Variants in ARFGAP1 observed in about 807,000 individuals in gnomAD.
The protein encoded by ARFGAP1 is ADP-ribosylation factor GTPase-activating protein 1.
Under a neutral mutation model 54.0 loss-of-function variants are expected in ARFGAP1, and 26 were observed. The observed-to-expected ratio is 0.48, with a 90% CI of 0.35 to 0.67. The LOEUF (loss-of-function observed/expected upper bound fraction) is 0.67, where lower values mean the gene tolerates loss of function less well. ARFGAP1 is among the 30% of genes least tolerant of loss of function. ARFGAP1 has a pLI of 0.00. For synonymous variants in ARFGAP1, 248 were observed against 211.9 expected, an observed-to-expected ratio of 1.17 and a Z score of -1.48; for missense variants, 525 against 535.8, an observed-to-expected ratio of 0.98 and a Z score of 0.20.
chr20:63,283,800 C>T (rs1302379603), intron 9 of ARFGAP1: 5 of 1,607,628 alleles, frequency 3.1e-6, no homozygotes, highest in Non-Finnish European at 4.3e-6. Flanking sequence ...GTTACTAATG[C>T]CGCCCCTCAC....
In ARFGAP1 at chr20:63,276,088, C is replaced by T. The variant is rs747049588; in HGVS notation, c.61-3C>T. 1.9e-6 allele frequency: 3 copies of T among 1,613,594 alleles called. No homozygotes were observed. The highest frequency in any genetic ancestry group is 2.5e-6 in the Non-Finnish European group (3 of 1,179,820). On this transcript the variant is annotated splice_polypyrimidine_tract_variant and splice_region_variant and intron_variant, in intron 2 of 12. Coordinates refer to ENST00000370283, the MANE Select transcript of ARFGAP1 (RefSeq NM_018209.4). This position sits in a 1 kb window ranked among gnomAD's most constrained non-coding sequence, Gnocchi z 5.2. ...TGGTGAGTCACTTGTGGCCCCTTTG[C>T]AGGTTTGTTTTGAGTGTGGCGCGTT...
chr20:63,282,664 T>C (rs748641223), intron 8 of ARFGAP1, among the ~76,000 whole-genome samples, 155 bp from the exon 9 acceptor site: 5 of 152,186 alleles, frequency 3.3e-5, no homozygotes, highest in Non-Finnish European at 7.3e-5. Flanking sequence ...CTGCAGCTCT[T>C]CTGGGCATCT....
intron 11 of ARFGAP1, chr20:63,286,110 C>G (rs755952096): frequency 6.5e-7 from 1 of 1,550,098 alleles, no homozygotes; most frequent in Non-Finnish European, 8.7e-7. Context: ...TCGCTCCTCC[C>G]CCCCAAGCAT....
intron 7 of ARFGAP1, among the ~76,000 whole-genome samples, chr20:63,280,470 T>C (rs1172368110): frequency 6.6e-6 from 1 of 152,212 alleles, no homozygotes; most frequent in African/African-American, 2.4e-5. Flanking sequence ...AAAGGGCTTT[T>C]TAATAACTAG....
intron 2 of ARFGAP1, 97 bp from the exon 3 acceptor site, chr20:63,275,994 C>T (rs1233335653): frequency 6.3e-6 from 7 of 1,108,660 alleles, no homozygotes; most frequent in Non-Finnish European, 9.6e-6. Context: ...CCCTGGGCAG[C>T]CCTCTGCATT....
intron 12 of ARFGAP1, among the ~76,000 whole-genome samples, chr20:63,286,654 G>A (rs1334487938): frequency 6.6e-6 from 1 of 152,026 alleles, no homozygotes; most frequent in Non-Finnish European, 1.5e-5. Flanking sequence ...AGGGGGCACT[G>A]TGGAGGCTTT....
At chr20:63,286,866 AG>A (rs1292435284) in intron 12 of ARFGAP1, 1 of 191,782 alleles carries the variant, frequency 5.2e-6, no homozygotes, top group East Asian at 1.5e-4. Context: ...GTCGGGGGCC[AG>A]GGGACAGGAA....
At position 63,288,124 on chromosome 20, in the gene ARFGAP1, G is replaced by A; in HGVS notation, c.*251G>A. ...GTCCCACACTCCCCTGGGCATTCTT[G>A]GACTCAAGGCCGGGGCTCTGCGTGG... On this transcript the variant is annotated 3_prime_UTR_variant, in exon 13 of 13. Transcript: ENST00000370283. 1.7e-6 allele frequency: 1 copy of A among 604,916 alleles called. No individual in the cohort carries two copies. 37.5% of individuals were successfully genotyped at this position (604,916 alleles called of 1,614,324 possible). A position where few individuals can be genotyped will look rare whatever the true frequency, so the allele number is the denominator to read the frequency against.
At chr20:63,285,047 C>T (rs1204359014) in intron 10 of ARFGAP1, 125 bp downstream of exon 10, 4 of 1,153,632 alleles carry the variant, frequency 3.5e-6, no homozygotes, top group East Asian at 5.2e-5. Context: ...CCTCACACCC[C>T]ACCTCTCCAG....
In ARFGAP1 at chr20:63,288,414, G is replaced by A. The variant is rs530431029; in HGVS notation, c.*541G>A. The A allele has an allele frequency of 3.1e-5, 14 of 456,186 alleles. No homozygotes were observed. The highest frequency in any genetic ancestry group is 1.8e-4 in the African/African-American group (9 of 50,200). 28.3% of individuals were successfully genotyped at this position (456,186 alleles called of 1,614,324 possible). ...GACCACCCTCGGCTCCCGAGTCCAC[G>A]CCTGCCTGGGCCTGTGCTGTCAGAC... On this transcript the variant is annotated 3_prime_UTR_variant, in exon 13 of 13. Coordinates refer to ENST00000370283, the MANE Select transcript of ARFGAP1 (RefSeq NM_018209.4).
chr20:63,285,220 C>G (rs1031242687), intron 10 of ARFGAP1, among the ~76,000 whole-genome samples: 1 of 152,016 alleles, frequency 6.6e-6, no homozygotes, highest in Admixed American at 6.5e-5. Context: ...GCACCCCCAG[C>G]CCACCTCCGT....
intron 12 of ARFGAP1, chr20:63,286,729 A>G (rs1398464506): frequency 1.6e-5 from 3 of 188,498 alleles, no homozygotes; most frequent in Admixed American, 1.3e-4. Context: ...GCTCTTTGGA[A>G]CCCTGCAGGA....
chr20:63,282,847 A>G lies in ARFGAP1; in HGVS notation c.713A>G (p.Gln238Arg). The part of the protein sequence containing the change: ...GATKFGSQAS[Q>R]KASELGHSLN... ...ACAAAGTTTGGATCCCAAGCGAGTC[A>G]GAAGGTAACAGAGGAGAAGCTTCTG... is the stretch of plus-strand genomic sequence containing the variant. Residue 238 changes from glutamine to arginine, a missense_variant, in exon 9 of 13, where the codon CAG (glutamine) becomes CGG (arginine). Gln to Arg is a conservative substitution (Grantham distance 43). This residue lies in a region of ARFGAP1 where 466 missense variants were observed against 453.6 expected (regional missense o/e 1.03). Transcript: ENST00000370283. The G allele has an allele frequency of 1.2e-6, 2 of 1,614,078 alleles. No homozygotes were observed. Among genetic ancestry groups the G allele is most frequent in the Non-Finnish European group, 1.7e-6 (2 of 1,180,012 alleles).
chr20:63,287,382 C>T (rs1435115241), intron 12 of ARFGAP1, among the ~76,000 whole-genome samples, 182 bp from the exon 13 acceptor site: 1 of 152,174 alleles, frequency 6.6e-6, no homozygotes, highest in Non-Finnish European at 1.5e-5. Flanking sequence ...CTCCAGCTCC[C>T]CAGCAGTTTC....
chr20:63,275,184 A>G (rs1475659175), intron 1 of ARFGAP1, among the ~76,000 whole-genome samples: 1 of 152,248 alleles, frequency 6.6e-6, no homozygotes, highest in Non-Finnish European at 1.5e-5. Flanking sequence ...GTCGCCTTTT[A>G]GGTGGAAAAT....
intron 7 of ARFGAP1, among the ~76,000 whole-genome samples, chr20:63,281,041 G>C (rs148933922): frequency 6.6e-6 from 1 of 152,120 alleles, no homozygotes; most frequent in Non-Finnish European, 1.5e-5. Flanking sequence ...TGGGAGCCAC[G>C]GGAGGCTGGT....
intron 2 of ARFGAP1, 130 bp from the exon 3 acceptor site, chr20:63,275,961 G>T (rs899783317): frequency 2.5e-6 from 2 of 790,372 alleles, no homozygotes; most frequent in Admixed American, 1.9e-5. Flanking sequence ...CTCACGCCTT[G>T]CCCTGACCCA....
intron 2 of ARFGAP1, 36 bp downstream of exon 2, chr20:63,275,676 T>C (rs369349595): frequency 1.8e-5 from 28 of 1,587,902 alleles, no homozygotes; most frequent in Non-Finnish European, 2.2e-5. Context: ...CCCTAAGGCT[T>C]GGTCAGGGTC....
intron 6 of ARFGAP1, 146 bp from the exon 7 acceptor site, chr20:63,278,753 C>CGGGG: frequency 1.5e-6 from 1 of 662,332 alleles, no homozygotes; most frequent in Non-Finnish European, 2.6e-6. Flanking sequence ...TCTCTGCTGC[C>CGGGG]ACAGGAGGCA....
Sources: gnomAD v4.1 joint callset for allele counts (sites outside exome capture counted in the v4.1 genomes callset) on GRCh38, gnomAD v4.1.1 for gene constraint, gnomAD v4.1.1 regional missense constraint, Gnocchi (gnomAD v3.1) non-coding constraint, MANE v1.5 for transcripts, NCBI Gene and HGNC (gene_info 2026-07-23, HGNC 2026-07-21) for gene names.